Variants in SH3PXD2A observed in about 807,000 individuals in gnomAD.
SH3PXD2A encodes SH3 and PX domains 2A, also known as SH3 and PX domain-containing protein 2A.
A neutral mutation model predicts 115.2 loss-of-function variants in SH3PXD2A; 32 were observed. That is an observed-to-expected ratio of 0.28 (90% CI 0.21 to 0.37). The LOEUF is 0.37. SH3PXD2A is among the 10% of genes least tolerant of loss of function. The pLI, the probability that SH3PXD2A is intolerant of heterozygous loss-of-function variation, is 1.00. For missense variants in SH3PXD2A, 1,328 were observed against 1,498.7 expected (o/e 0.89, Z 1.88); for synonymous variants, 610 against 629.1 (o/e 0.97, Z 0.45).
At chr10:103,804,196 C>G (rs2039174839) in intron 1 of SH3PXD2A, among the ~76,000 whole-genome samples, 1 of 152,006 alleles carries the variant, frequency 6.6e-6, no homozygotes, top group African/African-American at 2.4e-5. Context: ...CTGATCCCCA[C>G]TTCCTGTCAT....
At chr10:103,817,455 C>G (rs1175135373) in intron 1 of SH3PXD2A, among the ~76,000 whole-genome samples, 1 of 152,212 alleles carries the variant, frequency 6.6e-6, no homozygotes, top group Non-Finnish European at 1.5e-5. Flanking sequence ...ATTCTCCTGC[C>G]TCAGCCTCCC....
chr10:103,754,144 T>C (rs570661968), intron 3 of SH3PXD2A: 1 of 152,358 alleles, frequency 6.6e-6, no homozygotes, highest in Admixed American at 6.5e-5. Context: ...CTGCAATGGT[T>C]ATTTTATATA....
chr10:103,831,628 TG>T (rs932466277), intron 1 of SH3PXD2A, among the ~76,000 whole-genome samples: 2 of 152,224 alleles, frequency 1.3e-5, no homozygotes, highest in African/African-American at 4.8e-5. Flanking sequence ...AAGACCAGCC[TG>T]GGCAACATCA....
At chr10:103,728,718 A>G (rs1446687577) in intron 4 of SH3PXD2A, among the ~76,000 whole-genome samples, 3 of 152,184 alleles carry the variant, frequency 2.0e-5, no homozygotes, top group Non-Finnish European at 4.4e-5. Flanking sequence ...AGCATTTACT[A>G]CTACTAACAA....
intron 3 of SH3PXD2A, among the ~76,000 whole-genome samples, chr10:103,753,387 T>G (rs1195136228): frequency 6.8e-6 from 1 of 147,574 alleles, no homozygotes; most frequent in East Asian, 2.0e-4. Context: ...TCCCAGCTAC[T>G]TGGGAGGCTG....
At chr10:103,761,609 TTACAGGTCACC>T (rs2038700341) in intron 3 of SH3PXD2A, among the ~76,000 whole-genome samples, 1 of 152,156 alleles carries the variant, frequency 6.6e-6, no homozygotes, top group Non-Finnish European at 1.5e-5. Context: ...GAGAGAACCC[TTACAGGTCACC>T]TGAGTCCCCG....
intron 8 of SH3PXD2A, among the ~76,000 whole-genome samples, chr10:103,634,723 T>C (rs2036839061): frequency 6.6e-6 from 1 of 152,162 alleles, no homozygotes; most frequent in South Asian, 2.1e-4. Flanking sequence ...TGTCAATGTG[T>C]ACAGCTGAGG....
At chr10:103,694,499 C>T (rs981582967) in intron 5 of SH3PXD2A, among the ~76,000 whole-genome samples, 1 of 151,646 alleles carries the variant, frequency 6.6e-6, no homozygotes, top group African/African-American at 2.4e-5. Flanking sequence ...TCGACCTTTC[C>T]CAAAACTTAG....
At chr10:103,806,893 A>T (rs2039208169) in intron 1 of SH3PXD2A, among the ~76,000 whole-genome samples, 1 of 152,116 alleles carries the variant, frequency 6.6e-6, no homozygotes, top group East Asian at 1.9e-4. Flanking sequence ...GAGGAGTGGA[A>T]TCATCACCAC....
intron 1 of SH3PXD2A, among the ~76,000 whole-genome samples, chr10:103,820,341 C>T (rs536419416): frequency 6.6e-6 from 1 of 152,270 alleles, no homozygotes; most frequent in South Asian, 2.1e-4. Flanking sequence ...TCATTTGCTC[C>T]CAGGTCCCCT....
chr10:103,764,377 G>A (rs2038732307), intron 3 of SH3PXD2A, among the ~76,000 whole-genome samples: 1 of 152,170 alleles, frequency 6.6e-6, no homozygotes, highest in Admixed American at 6.5e-5. Flanking sequence ...TGGAGAGTGA[G>A]TGAGCTGAAG....
intron 2 of SH3PXD2A, among the ~76,000 whole-genome samples, chr10:103,779,785 G>A (rs963587527): frequency 2.0e-5 from 3 of 152,198 alleles, no homozygotes; most frequent in Non-Finnish European, 2.9e-5. Flanking sequence ...GCAGGTTCCT[G>A]GCTGTGGTCA....
At chr10:103,771,223 T>G (rs1337495784) in intron 2 of SH3PXD2A, among the ~76,000 whole-genome samples, 1 of 152,058 alleles carries the variant, frequency 6.6e-6, no homozygotes, top group Non-Finnish European at 1.5e-5. Context: ...CTTAAGGGAG[T>G]TAGGCTACCA....
At chr10:103,611,918 GGT>G (rs576928915) in intron 12 of SH3PXD2A, among the ~76,000 whole-genome samples, 90 of 152,256 alleles carry the variant, frequency 5.9e-4, no homozygotes, top group African/African-American at 2.0e-3. Context: ...CAGGGTAACG[GGT>G]GTATAGATTT....
chr10:103,612,794 C>T (rs2036448078), intron 12 of SH3PXD2A, 59 bp downstream of exon 12: 5 of 1,289,306 alleles, frequency 3.9e-6, no homozygotes, highest in Non-Finnish European at 5.3e-6. Context: ...TTCACGGCAC[C>T]CATGCCCATT....
chr10:103,814,696 C>T (rs1489788305), intron 1 of SH3PXD2A, among the ~76,000 whole-genome samples: 1 of 152,174 alleles, frequency 6.6e-6, no homozygotes, highest in Admixed American at 6.5e-5. Context: ...GGGAATGTTT[C>T]TTTTAACCAA....
intron 2 of SH3PXD2A, among the ~76,000 whole-genome samples, chr10:103,790,608 A>G (rs1298372278): frequency 6.6e-6 from 1 of 152,136 alleles, no homozygotes; most frequent in Non-Finnish European, 1.5e-5. Flanking sequence ...AAATAAGGGA[A>G]ATGGGCAAGA....
At chr10:103,842,079 C>T (rs1320204406) in intron 1 of SH3PXD2A, among the ~76,000 whole-genome samples, 4 of 148,774 alleles carry the variant, frequency 2.7e-5, no homozygotes, top group African/African-American at 9.9e-5. Context: ...GAGCCGAGAT[C>T]GCACCACTAC....
At chr10:103,626,954 A>G (rs1049577132) in intron 9 of SH3PXD2A, 135 bp downstream of exon 9, 9 of 609,098 alleles carry the variant, frequency 1.5e-5, no homozygotes, top group Admixed American at 8.1e-5. Flanking sequence ...AACCTTACTG[A>G]GATGGGATCC....
Sources: gnomAD v4.1 joint callset for allele counts (sites outside exome capture counted in the v4.1 genomes callset) on GRCh38, gnomAD v4.1.1 for gene constraint, MANE v1.5 for transcripts, NCBI Gene and HGNC (gene_info 2026-07-23, HGNC 2026-07-21) for gene names.